SLC6A14: variants seen among roughly 807,000 people sequenced by gnomAD.
SLC6A14 encodes the protein sodium- and chloride-dependent neutral and basic amino acid transporter B(0+).
SLC6A14 carries 21 observed loss-of-function variants against 51.4 expected under a neutral mutation model. That is an observed-to-expected ratio of 0.41 (90% CI 0.29 to 0.59). The LOEUF (loss-of-function observed/expected upper bound fraction) is 0.59, where lower values mean the gene tolerates loss of function less well. SLC6A14 is among the 20% of genes least tolerant of loss of function. The pLI is 0.31. For synonymous variants in SLC6A14, 177 were observed against 160.7 expected (o/e 1.10, Z -0.77); for missense variants, 371 against 472.8 (o/e 0.78, Z 2.00).
chrX:116,443,823 A>G (rs1283192284), intron 5 of SLC6A14, 33 bp downstream of exon 5: 2 of 1,046,170 alleles, frequency 1.9e-6, no homozygotes, highest in African/African-American at 1.9e-5. Context: ...TTTTAAGTAG[A>G]TGTTATCTTA....
chrX:116,448,157 G>T (rs1569539684), intron 7 of SLC6A14, among the ~76,000 whole-genome samples: 1 of 111,820 alleles, frequency 8.9e-6, no homozygotes, highest in African/African-American at 3.3e-5. Flanking sequence ...TTTGTAAGCA[G>T]TGCCAAATTT....
intron 2 of SLC6A14, among the ~76,000 whole-genome samples, chrX:116,438,408 G>T (rs1471467564): frequency 8.9e-6 from 1 of 111,972 alleles, no homozygotes; most frequent in African/African-American, 3.2e-5. Context: ...TTACATTTTG[G>T]TGACTTAAGT....
chrX:116,455,455 A>G lies in SLC6A14; in HGVS notation c.1603A>G (p.Ile535Val). The G allele has an allele frequency of 8.6e-7, 1 of 1,161,981 alleles. No individual in the cohort carries two copies. Among genetic ancestry groups the G allele is most frequent in the Admixed American group, 2.2e-5 (1 of 45,876 alleles). The change falls in exon 12 of 14, where the codon ATC becomes GTC. Residue 535 changes from isoleucine to valine, a missense_variant. Physicochemically the swap from Ile to Val is conservative, Grantham distance 29. Coordinates refer to ENST00000598581, the MANE Select transcript of SLC6A14 (RefSeq NM_007231.5). Reference protein sequence around the residue: ...WRACWFVITPILLIAIFIWSL... With the variant: ...WRACWFVITPVLLIAIFIWSL... ...AGCTTGCTGGTTTGTAATTACGCCT[A>G]TCCTTTTGATTGTAAGTAATAATAC...
rs1556693758 is a variant in SLC6A14 at position 116,442,730 on chromosome X, C to T, written c.390C>T (p.Ile130=). The change falls in exon 4 of 14, where the codon ATC becomes ATT. Residue 130 remains isoleucine (I), a synonymous_variant. Transcript: ENST00000598581. ...TCCTGATCTCCATTTTTGTGACAAT[C>T]TATTACAATGTCATAATTGCCTATA... ...TMVLISIFVT[I]YYNVIIAYSL... 4 of 1,165,768 alleles carry T rather than the reference C, an allele frequency of 3.4e-6. No homozygotes were observed. The highest frequency in any genetic ancestry group is 4.6e-6 in the Non-Finnish European group (4 of 872,968).
chrX:116,457,699 A>G lies in SLC6A14; in HGVS notation c.1705A>G (p.Met569Val), dbSNP rs781953185. ...PDWGVALGWC[M>V]IVFCIIWIPI... ...CTGGGGAGTTGCTTTAGGCTGGTGT[A>G]TGATTGTTTTCTGCATTATTTGGAT... Residue 569 changes from methionine (M) to valine (V), a missense_variant, in exon 13 of 14, where the codon ATG (methionine) becomes GTG (valine). Around this residue, in one of 2 missense-constraint regions of SLC6A14, gnomAD observed 94 missense variants for 81.0 expected, o/e 1.16. Transcript: ENST00000598581. 3.3e-6 allele frequency: 4 copies of G among 1,202,006 alleles called. No individual in the cohort carries two copies. In the East Asian group the frequency reaches 1.2e-4, roughly 36 times the overall value.
chrX:116,447,892 T>C (rs1927749407), intron 7 of SLC6A14, among the ~76,000 whole-genome samples: 1 of 111,674 alleles, frequency 9.0e-6, no homozygotes, highest in African/African-American at 3.3e-5. Flanking sequence ...CCACCGCACC[T>C]GGCCCTTTCA....
In SLC6A14 at chrX:116,451,462, T is replaced by C; in HGVS notation, c.951T>C (p.Thr317=). Residue 317 remains threonine (T), a synonymous_variant, in exon 8 of 14, where the codon ACT becomes ACC. Coordinates refer to ENST00000598581, the MANE Select transcript of SLC6A14 (RefSeq NM_007231.5). ...TATAGGTATGGAAAGATGCTGCCAC[T>C]CAGATATTTTACTCCCTTTCAGTGG... ...KEAEVWKDAA[T]QIFYSLSVAW... is the part of the protein sequence containing the mutation. The C allele has an allele frequency of 8.3e-7, 1 of 1,206,354 alleles. No individual in the cohort carries two copies. The highest frequency in any genetic ancestry group is 1.8e-5 in the South Asian group (1 of 56,355).
intron 13 of SLC6A14, 132 bp from the exon 14 acceptor site, chrX:116,458,677 A>T: frequency 2.0e-6 from 1 of 511,404 alleles, no homozygotes; most frequent in East Asian, 4.2e-5. Context: ...AACACTTTTT[A>T]GTTTTCTATG....
At chrX:116,453,674 A>AT (rs1436855345) in intron 9 of SLC6A14, among the ~76,000 whole-genome samples, 3 of 110,987 alleles carry the variant, frequency 2.7e-5, no homozygotes, top group African/African-American at 9.8e-5. Context: ...ATGATATACA[A>AT]TTTTTTAAAA....
chrX:116,448,692 C>T (rs1170383354), intron 7 of SLC6A14, among the ~76,000 whole-genome samples: 4 of 111,774 alleles, frequency 3.6e-5, no homozygotes, highest in Admixed American at 2.9e-4. Flanking sequence ...TGACTTTGAG[C>T]CTAGTTAAAA....
chrX:116,446,574 G>A lies in SLC6A14; in HGVS notation c.790-167G>A, dbSNP rs141245923. Among the ~76,000 whole-genome samples, 450 of 111,855 alleles carry A rather than the reference G, an allele frequency of 4.0e-3. 5 individuals carry two copies. The highest frequency in any genetic ancestry group is 0.014 in the African/African-American group (429 of 30,881). On this transcript the variant is annotated intron_variant, in intron 6 of 13. Transcript: ENST00000598581. ...TTGAAATGGATCATTTGAGAGTAGT[G>A]AGGACACAAATAAGAAATTATGCTA...
chrX:116,438,251 A>G (rs1042453739), intron 2 of SLC6A14, among the ~76,000 whole-genome samples: 5 of 111,931 alleles, frequency 4.5e-5, no homozygotes, highest in African/African-American at 1.6e-4. Context: ...ACTATGACAT[A>G]CTTTTCCTAA....
At chrX:116,446,132 T>A (rs781840302) in intron 6 of SLC6A14, among the ~76,000 whole-genome samples, 2 of 84,445 alleles carry the variant, frequency 2.4e-5, no homozygotes, top group Admixed American at 1.4e-4. Flanking sequence ...GAAATCATCC[T>A]CATTAAGGCA....
intron 2 of SLC6A14, among the ~76,000 whole-genome samples, chrX:116,440,446 C>A (rs1381993596): frequency 1.8e-5 from 2 of 111,893 alleles, no homozygotes; most frequent in Non-Finnish European, 3.8e-5. Flanking sequence ...AAAAATAGAC[C>A]ATTTATTTTT....
Position 116,457,766 on chromosome X carries a change from A to G in SLC6A14, c.1772A>G (p.Asn591Ser), listed in dbSNP as rs781792160. The change falls in exon 13 of 14, where the codon AAC (asparagine) becomes AGC (serine). Residue 591 changes from asparagine (N) to serine (S), a missense_variant. Asn to Ser is a conservative substitution (Grantham distance 46). Transcript: ENST00000598581. Reference protein sequence around the residue: ...AIIKIIQAKGNIFQRLISCCR... With the variant: ...AIIKIIQAKGSIFQRLISCCR... ...ATAAAAATAATTCAGGCTAAAGGAA[A>G]CATCTTTCAAGTGAGTGCATTAAAA... The G allele has an allele frequency of 1.0e-5, 12 of 1,186,281 alleles. No homozygotes were observed. In the East Asian group the frequency reaches 3.6e-4, roughly 35 times the overall value.
intron 6 of SLC6A14, 98 bp from the exon 7 acceptor site, chrX:116,446,633 CTGTACTTTAT>C: frequency 1.7e-6 from 1 of 589,704 alleles, no homozygotes; most frequent in Non-Finnish European, 2.7e-6. Context: ...ATGAAATCCC[CTGTACTTTAT>C]TTAATTAATC....
intron 6 of SLC6A14, among the ~76,000 whole-genome samples, chrX:116,445,457 G>A (rs1224933208): frequency 1.5e-5 from 1 of 67,025 alleles, no homozygotes; most frequent in East Asian, 6.6e-4. Flanking sequence ...TCCCCTAGTC[G>A]GAGAGAGAGA....
Position 116,437,968 on chromosome X carries a change from A to ACGGGGGGCGC in SLC6A14, c.214+14_214+15insGGGGGGCGCC. 8.9e-7 allele frequency: 1 copy of ACGGGGGGCGC among 1,122,180 alleles called. No homozygotes were observed. Among genetic ancestry groups the ACGGGGGGCGC allele is most frequent in the Non-Finnish European group, 1.2e-6 (1 of 840,398 alleles). The allele number at this position is 1,122,180 out of a possible 1,213,427, so 92.5% of individuals were successfully genotyped here. On this transcript the variant is annotated intron_variant, in intron 2 of 13. Transcript: ENST00000598581. ...AGCAATGGTGGAGGTATTCTATTTC[A>ACGGGGGGCGC]CCCCCACCCTCCCACCCCCGCTTTT...
Position 116,437,968 on chromosome X carries a change from A to ACGGGGGGCC in SLC6A14, c.214+14_214+15insGGGGGGCCC. On this transcript the variant is annotated intron_variant, in intron 2 of 13. Transcript: ENST00000598581. ...AGCAATGGTGGAGGTATTCTATTTC[A>ACGGGGGGCC]CCCCCACCCTCCCACCCCCGCTTTT... The ACGGGGGGCC allele has an allele frequency of 8.9e-7, 1 of 1,122,155 alleles. No individual in the cohort carries two copies. Among genetic ancestry groups the ACGGGGGGCC allele is most frequent in the Non-Finnish European group, 1.2e-6 (1 of 840,379 alleles). 92.5% of individuals were successfully genotyped at this position (1,122,155 alleles called of 1,213,427 possible).
Sources: allele counts gnomAD v4.1 joint callset (sites outside exome capture counted in the v4.1 genomes callset), GRCh38; gene constraint gnomAD v4.1.1; regional missense constraint gnomAD v4.1.1; transcripts MANE v1.5; gene names NCBI Gene and HGNC (gene_info 2026-07-23, HGNC 2026-07-21).